Variants in SPAG17 observed in about 807,000 individuals in gnomAD.
SPAG17 encodes the protein sperm-associated antigen 17.
A neutral mutation model predicts 273.6 loss-of-function variants in SPAG17; 169 were observed. The ratio of observed to expected loss-of-function variants is 0.62; its 90% CI spans 0.55 to 0.70. The LOEUF is 0.70. SPAG17 is among the 30% of genes least tolerant of loss of function. The pLI, the probability that SPAG17 is intolerant of heterozygous loss-of-function variation, is 0.00. For synonymous variants in SPAG17, 825 were observed against 873.2 expected (o/e 0.94, Z 0.97); for missense variants, 2,557 against 2,627.8 (o/e 0.97, Z 0.59).
chr1:117,980,692 A>G (rs937594876), intron 43 of SPAG17, among the ~76,000 whole-genome samples: 3 of 152,228 alleles, frequency 2.0e-5, no homozygotes, highest in Non-Finnish European at 2.9e-5. Context: ...TAGTCTCTCT[A>G]TCTCTCTTTT....
At chr1:117,998,732 T>C (rs1238073112) in intron 32 of SPAG17, among the ~76,000 whole-genome samples, 1 of 152,140 alleles carries the variant, frequency 6.6e-6, no homozygotes, top group Non-Finnish European at 1.5e-5. Flanking sequence ...TGATTTCTCT[T>C]ATCAATGTTT....
chr1:118,059,700 C>G (rs1459845630), intron 18 of SPAG17, among the ~76,000 whole-genome samples: 1 of 152,040 alleles, frequency 6.6e-6, no homozygotes, highest in Non-Finnish European at 1.5e-5. Flanking sequence ...TCTTTCTTTA[C>G]CTTTTGTAAC....
intron 30 of SPAG17, among the ~76,000 whole-genome samples, chr1:118,010,852 G>T (rs976137024): frequency 6.6e-6 from 1 of 151,852 alleles, no homozygotes; most frequent in Non-Finnish European, 1.5e-5. Context: ...TCCAGCATCC[G>T]TAAGGAATTT....
intron 10 of SPAG17, among the ~76,000 whole-genome samples, chr1:118,088,055 C>T (rs760895483): frequency 6.6e-6 from 1 of 152,134 alleles, no homozygotes; most frequent in South Asian, 2.1e-4. Context: ...GTAGAAACAC[C>T]CTACTGTCAG....
chr1:118,084,567 C>T (rs1349024430), intron 13 of SPAG17, among the ~76,000 whole-genome samples: 1 of 152,188 alleles, frequency 6.6e-6, no homozygotes, highest in Non-Finnish European at 1.5e-5. Context: ...CCCCTCTTCC[C>T]ACTGTCTTCA....
rs1175867319 is a variant in SPAG17 at position 118,016,046 on chromosome 1, C to T, written c.4206G>A (p.Arg1402=). The change falls in exon 29 of 49, where the codon CGG becomes CGA. Residue 1402 remains arginine, a synonymous_variant. Coordinates refer to ENST00000336338, the MANE Select transcript of SPAG17 (RefSeq NM_206996.4). Reference sequence around the variant, plus strand: ...TTCTTTCTAATCCTTTGGTGCCGATCCGATTTCCTTCAGGTGTGGTTGTAA... The same window carrying T: ...TTCTTTCTAATCCTTTGGTGCCGATTCGATTTCCTTCAGGTGTGGTTGTAA... ...TWFTTTPEGN[R]IGTKGLERIA... 3.1e-6 allele frequency: 5 copies of T among 1,614,022 alleles called. No individual in the cohort carries two copies. Among genetic ancestry groups the T allele is most frequent in the Middle Eastern group, 1.7e-4 (1 of 6,056 alleles).
intron 20 of SPAG17, among the ~76,000 whole-genome samples, chr1:118,053,017 G>T (rs1449750764): frequency 6.6e-6 from 1 of 151,962 alleles, no homozygotes; most frequent in Non-Finnish European, 1.5e-5. Context: ...ACACCCTTAG[G>T]AGATTATGAT....
At chr1:118,006,630 C>T (rs1453366656) in intron 31 of SPAG17, among the ~76,000 whole-genome samples, 1 of 152,156 alleles carries the variant, frequency 6.6e-6, no homozygotes, top group African/African-American at 2.4e-5. Flanking sequence ...GGTCATATGA[C>T]AACTAAGTTT....
At chr1:118,116,272 A>G (rs1220419386) in intron 3 of SPAG17, among the ~76,000 whole-genome samples, 1 of 152,192 alleles carries the variant, frequency 6.6e-6, no homozygotes, top group Non-Finnish European at 1.5e-5. Context: ...CTCTTTATTC[A>G]TGTTGTCTCC....
intron 1 of SPAG17, among the ~76,000 whole-genome samples, chr1:118,158,910 A>G (rs1300574035): frequency 6.6e-6 from 1 of 152,262 alleles, no homozygotes; most frequent in African/African-American, 2.4e-5. Context: ...GGACTGGTCC[A>G]GTGGAAAAGG....
In SPAG17 at chr1:118,085,840, T is replaced by C. The variant is rs1269111556; in HGVS notation, c.1762+82A>G. On this transcript the variant is annotated intron_variant, in intron 13 of 48. Transcript: ENST00000336338. ...GTCTTTCAATAATGAAAATACTTTTTGTAAATAAGGGTGTAATTTTAAGAG... is the reference window on the plus strand; with the variant it reads ...GTCTTTCAATAATGAAAATACTTTTCGTAAATAAGGGTGTAATTTTAAGAG... The C allele has an allele frequency of 7.4e-6, 10 of 1,355,074 alleles. No individual in the cohort carries two copies. The South Asian group carries it at 9.0e-5, about 12-fold the overall frequency. The allele number at this position is 1,355,074 out of a possible 1,614,324, so 83.9% of individuals were successfully genotyped here. A position where few individuals can be genotyped will look rare whatever the true frequency, so the allele number is the denominator to read the frequency against.
In SPAG17 at chr1:118,054,087, T is replaced by C; in HGVS notation, c.2729A>G (p.Lys910Arg). 1.9e-6 allele frequency: 3 copies of C among 1,594,364 alleles called. No individual in the cohort carries two copies. Among genetic ancestry groups the C allele is most frequent in the Non-Finnish European group, 2.6e-6 (3 of 1,165,742 alleles). The change falls in exon 20 of 49, where the codon AAA (lysine) becomes AGA (arginine). Residue 910 changes from lysine to arginine, a missense_variant. Coordinates refer to ENST00000336338, the MANE Select transcript of SPAG17 (RefSeq NM_206996.4). Reference sequence around the variant, plus strand: ...TGATATCTCTGTTTTGCTGATTCCTTTGTTACCTATAATCAGATAAAATTA... The same window carrying C: ...TGATATCTCTGTTTTGCTGATTCCTCTGTTACCTATAATCAGATAAAATTA... ...IFSIKESKSN[K>R]GISKTEISDQ...
At chr1:118,137,438 T>A (rs1658427315) in intron 3 of SPAG17, among the ~76,000 whole-genome samples, 1 of 152,180 alleles carries the variant, frequency 6.6e-6, no homozygotes, top group Non-Finnish European at 1.5e-5. Context: ...GGGCATCCTG[T>A]TGGCCTAGCT....
At position 118,008,215 on chromosome 1, in the gene SPAG17, G is replaced by C; in HGVS notation, c.4433-17C>G. On this transcript the variant is annotated splice_polypyrimidine_tract_variant and intron_variant, in intron 30 of 48. Coordinates refer to ENST00000336338, the MANE Select transcript of SPAG17 (RefSeq NM_206996.4). ...GACCCTCGGCTACAAGCAAATGCAA[G>C]GTAAGCAGATCTGATAGGATGTAGA... 6.2e-7 allele frequency: 1 copy of C among 1,612,994 alleles called. No homozygotes were observed.
chr1:118,176,808 C>A (rs538607064), intron 1 of SPAG17, among the ~76,000 whole-genome samples: 1 of 152,142 alleles, frequency 6.6e-6, no homozygotes, highest in Non-Finnish European at 1.5e-5. Flanking sequence ...GGCCACAGAA[C>A]AAATTTCAAC....
intron 17 of SPAG17, among the ~76,000 whole-genome samples, chr1:118,073,289 CA>C (rs761538464): frequency 2.6e-5 from 4 of 152,134 alleles, no homozygotes; most frequent in East Asian, 3.9e-4. Flanking sequence ...TTACCTTGGA[CA>C]AAAGTCACTA....
chr1:118,086,534 T>G, intron 12 of SPAG17, 137 bp downstream of exon 12: 1 of 781,436 alleles, frequency 1.3e-6, no homozygotes, highest in Non-Finnish European at 2.0e-6. Context: ...AGGTCCTACT[T>G]TGTATGCAAG....
chr1:117,979,114 C>T (rs1655469170), intron 43 of SPAG17, among the ~76,000 whole-genome samples: 2 of 152,132 alleles, frequency 1.3e-5, no homozygotes, highest in Non-Finnish European at 2.9e-5. Context: ...GGTGATCCAC[C>T]CGCCTCAGCC....
At chr1:117,975,541 T>G (rs1197086855) in intron 43 of SPAG17, among the ~76,000 whole-genome samples, 1 of 152,206 alleles carries the variant, frequency 6.6e-6, no homozygotes, top group Non-Finnish European at 1.5e-5. Flanking sequence ...GGGTCAGGGC[T>G]AGAATGTGGA....
Sources: gnomAD v4.1 joint callset for allele counts (sites outside exome capture counted in the v4.1 genomes callset) on GRCh38, gnomAD v4.1.1 for gene constraint, MANE v1.5 for transcripts, NCBI Gene and HGNC (gene_info 2026-07-23, HGNC 2026-07-21) for gene names.